Variants in ATG10 observed in about 807,000 individuals in gnomAD.
ATG10 encodes the protein autophagy related 10, also known as ubiquitin-like-conjugating enzyme ATG10.
ATG10 carries 30 observed loss-of-function variants against 32.1 expected under a neutral mutation model. That is an observed-to-expected ratio of 0.94 (90% CI 0.70 to 1.27). ATG10 has a LOEUF of 1.27. Among genes scored for constraint, ATG10 ranks in the 50% most tolerant of loss-of-function variants. The pLI, the probability that ATG10 is intolerant of heterozygous loss-of-function variation, is 0.00. For synonymous variants in ATG10, 87 were observed against 91.5 expected, an observed-to-expected ratio of 0.95 and a Z score of 0.28; for missense variants, 233 against 262.3, an observed-to-expected ratio of 0.89 and a Z score of 0.77.
At chr5:82,062,018 G>T (rs1047646729) in intron 3 of ATG10, among the ~76,000 whole-genome samples, 41 of 151,468 alleles carry the variant, frequency 2.7e-4, no homozygotes, top group African/African-American at 9.7e-4. Flanking sequence ...TTTTAGAGAT[G>T]TGGATCTTGC....
At chr5:82,081,695 C>A (rs1202634813) in intron 3 of ATG10, among the ~76,000 whole-genome samples, 3 of 152,174 alleles carry the variant, frequency 2.0e-5, no homozygotes, top group Non-Finnish European at 4.4e-5. Flanking sequence ...GCCTTACATA[C>A]CAGGGATGAA....
intron 3 of ATG10, among the ~76,000 whole-genome samples, chr5:82,098,490 T>C (rs1455118670): frequency 1.3e-5 from 2 of 152,022 alleles, no homozygotes; most frequent in South Asian, 2.1e-4. Context: ...TTTGTTTTTT[T>C]AGTAGAGATG....
At position 81,991,726 on chromosome 5, in the gene ATG10, C is replaced by T. The variant is rs189829580; in HGVS notation, c.108+4048C>T. Among the ~76,000 whole-genome samples, 18 of 151,416 alleles carry T rather than the reference C, an allele frequency of 1.2e-4. No homozygotes were observed. In the East Asian group the frequency reaches 1.9e-3, roughly 16 times the overall value. On this transcript the variant is annotated intron_variant, in intron 2 of 7. Transcript: ENST00000282185. ...AGGAGAGTCGCTTGAACCTGGGAGA[C>T]GGAGGTTGCAGTGAGCCAAGATCAT...
chr5:82,042,701 C>T (rs995409945), intron 2 of ATG10, among the ~76,000 whole-genome samples: 9 of 152,160 alleles, frequency 5.9e-5, no homozygotes, highest in Admixed American at 4.6e-4. Context: ...AACAAAGGGG[C>T]TACAGTCCCC....
intron 5 of ATG10, among the ~76,000 whole-genome samples, chr5:82,215,765 A>G (rs1423983014): frequency 1.3e-5 from 2 of 151,756 alleles, no homozygotes; most frequent in African/African-American, 2.4e-5. Flanking sequence ...GTGAAACCCC[A>G]TTCTCTACTA....
intron 5 of ATG10, among the ~76,000 whole-genome samples, chr5:82,222,601 T>C (rs1436402994): frequency 6.6e-6 from 1 of 152,238 alleles, no homozygotes; most frequent in African/African-American, 2.4e-5. Flanking sequence ...AATGATGTTA[T>C]ATTTAAATAG....
At chr5:82,142,372 T>G (rs1767186244) in intron 3 of ATG10, among the ~76,000 whole-genome samples, 1 of 152,136 alleles carries the variant, frequency 6.6e-6, no homozygotes, top group African/African-American at 2.4e-5. Flanking sequence ...AGGGTTTGAG[T>G]TGAACAAGAA....
At chr5:82,200,323 T>C (rs1457921858) in intron 5 of ATG10, among the ~76,000 whole-genome samples, 1 of 152,148 alleles carries the variant, frequency 6.6e-6, no homozygotes, top group Non-Finnish European at 1.5e-5. Context: ...ACTATAACAA[T>C]ATATGTGTAG....
At chr5:82,108,379 T>C (rs1581697358) in intron 3 of ATG10, among the ~76,000 whole-genome samples, 1 of 152,004 alleles carries the variant, frequency 6.6e-6, no homozygotes, top group East Asian at 1.9e-4. Context: ...CACCTATATA[T>C]ATGTGCATAT....
chr5:82,232,474 A>C (rs1034170117), intron 5 of ATG10, among the ~76,000 whole-genome samples: 6 of 152,176 alleles, frequency 3.9e-5, no homozygotes, highest in African/African-American at 1.4e-4. Context: ...CCTCCAAATA[A>C]ATTTCTACAA....
chr5:82,033,729 AACACACACACACAC>A (rs59922803), intron 2 of ATG10, among the ~76,000 whole-genome samples: 3 of 146,254 alleles, frequency 2.1e-5, no homozygotes, highest in Non-Finnish European at 3.0e-5. Flanking sequence ...ATACTATACA[AACACACACACACAC>A]ACACACACAC....
At chr5:82,038,724 T>C (rs1201119316) in intron 2 of ATG10, among the ~76,000 whole-genome samples, 1 of 152,206 alleles carries the variant, frequency 6.6e-6, no homozygotes, top group Non-Finnish European at 1.5e-5. Context: ...TGTGAGAGCC[T>C]AGGTCCTTCA....
intron 5 of ATG10, among the ~76,000 whole-genome samples, chr5:82,220,715 T>TGA (rs1745888092): frequency 6.6e-6 from 1 of 151,614 alleles, no homozygotes; most frequent in Non-Finnish European, 1.5e-5. Context: ...CTGCAAGCTC[T>TGA]GCCTCCTGGG....
chr5:82,052,133 G>T (rs777257073), intron 2 of ATG10, among the ~76,000 whole-genome samples: 2 of 152,164 alleles, frequency 1.3e-5, no homozygotes, highest in Admixed American at 6.6e-5. Flanking sequence ...ATTCTGGGCA[G>T]TTAACTTGAG....
intron 5 of ATG10, among the ~76,000 whole-genome samples, chr5:82,247,105 G>A (rs755879735): frequency 1.2e-4 from 18 of 152,250 alleles, no homozygotes; most frequent in African/African-American, 2.9e-4. Flanking sequence ...ATTGGACTAT[G>A]ATGTGTCTAG....
chr5:82,003,757 T>TTTTCTTACATGACCTA (rs1196422330), intron 2 of ATG10, among the ~76,000 whole-genome samples: 2 of 152,236 alleles, frequency 1.3e-5, no homozygotes, highest in Non-Finnish European at 2.9e-5. Flanking sequence ...AGTATTACCT[T>TTTTCTTACATGACCTA]TTTCTTACAT....
At chr5:82,082,723 G>C (rs540623159) in intron 3 of ATG10, among the ~76,000 whole-genome samples, 4 of 151,716 alleles carry the variant, frequency 2.6e-5, no homozygotes, top group Non-Finnish European at 2.9e-5. Flanking sequence ...TCATGAAATA[G>C]AAACCATATC....
At chr5:82,015,811 ACTT>A (rs1284305188) in intron 2 of ATG10, among the ~76,000 whole-genome samples, 6 of 152,140 alleles carry the variant, frequency 3.9e-5, no homozygotes, top group Non-Finnish European at 7.4e-5. Context: ...TCATCTGAAG[ACTT>A]CTTCTCTCAA....
In ATG10 at chr5:82,123,428, AC is replaced by A. The variant is rs1388065163; in HGVS notation, c.217-40970del. 3.3e-5 allele frequency among the ~76,000 whole-genome samples: 5 copies of A among 152,224 alleles called. No homozygotes were observed. The East Asian group carries it at 9.7e-4, about 29-fold the overall frequency. On this transcript the variant is annotated intron_variant, in intron 3 of 7. Transcript: ENST00000282185. ...ATAACTATTAGGTACTAGGCTTAAT[AC>A]ATGAGTGATGAAATAATCTGTTCAA... is the stretch of plus-strand genomic sequence containing the variant.
Sources: allele counts gnomAD v4.1 joint callset (sites outside exome capture counted in the v4.1 genomes callset), GRCh38; gene constraint gnomAD v4.1.1; transcripts MANE v1.5; gene names NCBI Gene and HGNC (gene_info 2026-07-23, HGNC 2026-07-21).